Variants in CBX5 observed in about 807,000 individuals in gnomAD.
CBX5 encodes the protein chromobox 5, also known as chromobox protein homolog 5.
CBX5 carries 7 observed loss-of-function variants against 20.7 expected under a neutral mutation model. The ratio of observed to expected loss-of-function variants is 0.34; its 90% CI spans 0.19 to 0.63. CBX5 has a LOEUF of 0.63. CBX5 is among the 30% of genes least tolerant of loss of function. The pLI, the probability that CBX5 is intolerant of heterozygous loss-of-function variation, is 0.75. For missense variants in CBX5, 110 were observed against 224.1 expected (o/e 0.49, Z 3.25); for synonymous variants, 78 against 77.0 (o/e 1.01, Z -0.07).
chr12:54,244,551 A>T (rs902357115), intron 4 of CBX5, among the ~76,000 whole-genome samples: 1 of 151,848 alleles, frequency 6.6e-6, no homozygotes, highest in African/African-American at 2.4e-5. Context: ...CAGCCTGACC[A>T]ACATGGCAAA....
intron 3 of CBX5, among the ~76,000 whole-genome samples, chr12:54,248,579 G>T (rs1943761397): frequency 6.6e-6 from 1 of 152,180 alleles, no homozygotes; most frequent in South Asian, 2.1e-4. Context: ...TCTTTTGGGG[G>T]TGCTTAAGGG....
At chr12:54,270,506 C>T (rs774618724) in intron 1 of CBX5, among the ~76,000 whole-genome samples, 1 of 152,190 alleles carries the variant, frequency 6.6e-6, no homozygotes, top group Non-Finnish European at 1.5e-5. Flanking sequence ...CTCCTGAGCT[C>T]AAGTGATCCT....
chr12:54,279,152 A>C (rs927702134), intron 1 of CBX5: 2 of 152,202 alleles, frequency 1.3e-5, no homozygotes, highest in Non-Finnish European at 2.9e-5. Flanking sequence ...CTACAAACAT[A>C]TTTGTCAGTA....
chr12:54,278,515 CTAAT>C (rs1488537085), intron 1 of CBX5: 2 of 152,182 alleles, frequency 1.3e-5, no homozygotes, highest in African/African-American at 4.8e-5. Context: ...GGAAAGGTCT[CTAAT>C]TATAAGTGTA....
At chr12:54,257,400 G>A in intron 2 of CBX5, 114 bp downstream of exon 2, 1 of 1,007,236 alleles carries the variant, frequency 9.9e-7, no homozygotes, top group Non-Finnish European at 1.5e-6. Context: ...TAACTCTTAG[G>A]AAGAGTGCAG....
At chr12:54,265,680 G>A (rs1005075605) in intron 1 of CBX5, among the ~76,000 whole-genome samples, 10 of 152,198 alleles carry the variant, frequency 6.6e-5, no homozygotes, top group African/African-American at 2.4e-4. Flanking sequence ...TTTATTAAAA[G>A]AAGAGAGCAT....
chr12:54,242,764 A>T (rs964052785), intron 4 of CBX5, among the ~76,000 whole-genome samples: 2 of 152,110 alleles, frequency 1.3e-5, no homozygotes, highest in Non-Finnish European at 2.9e-5. Flanking sequence ...TACCAAGTAT[A>T]ACAAAAAAAA....
intron 3 of CBX5, among the ~76,000 whole-genome samples, chr12:54,248,146 C>T (rs1034561497): frequency 6.6e-6 from 1 of 151,990 alleles, no homozygotes; most frequent in Admixed American, 6.6e-5. Context: ...CCCGGCTACG[C>T]CTGGCTAATT....
At chr12:54,242,291 C>A (rs1283425680) in intron 4 of CBX5, among the ~76,000 whole-genome samples, 1 of 151,740 alleles carries the variant, frequency 6.6e-6, no homozygotes, top group African/African-American at 2.4e-5. Context: ...TTTGGGAGGC[C>A]GAGGCGGGTG....
intron 1 of CBX5, among the ~76,000 whole-genome samples, chr12:54,267,041 A>G (rs1330588891): frequency 1.3e-5 from 2 of 152,188 alleles, no homozygotes; most frequent in Non-Finnish European, 2.9e-5. Context: ...TTTTCCAACA[A>G]CTTTATCCTT....
At chr12:54,275,119 C>T (rs1592165668) in intron 1 of CBX5, among the ~76,000 whole-genome samples, 1 of 152,294 alleles carries the variant, frequency 6.6e-6, no homozygotes, top group South Asian at 2.1e-4. Context: ...CTTTCTTTCC[C>T]CAACTATCAT....
chr12:54,261,310 T>C (rs1004936942), intron 1 of CBX5, among the ~76,000 whole-genome samples: 2 of 151,964 alleles, frequency 1.3e-5, no homozygotes, highest in African/African-American at 2.4e-5. Flanking sequence ...TTTCTTTTTT[T>C]TTTTTGAGAC....
At chr12:54,267,538 G>A (rs1050837374) in intron 1 of CBX5, among the ~76,000 whole-genome samples, 14 of 150,916 alleles carry the variant, frequency 9.3e-5, no homozygotes, top group Non-Finnish European at 1.6e-4. Context: ...TTGAGACGGA[G>A]TCTAGCTCTG....
intron 1 of CBX5, among the ~76,000 whole-genome samples, chr12:54,274,908 C>T (rs562841797): frequency 6.6e-6 from 1 of 152,104 alleles, no homozygotes; most frequent in Non-Finnish European, 1.5e-5. Context: ...CCACTGCACT[C>T]TAGCCTGGGT....
At chr12:54,279,408 T>TCCATACACCTCAGTCCC (rs1272039384) in intron 1 of CBX5, among the ~76,000 whole-genome samples, 2 of 152,112 alleles carry the variant, frequency 1.3e-5, no homozygotes, top group Non-Finnish European at 2.9e-5. Context: ...CAAGGAGGTG[T>TCCATACACCTCAGTCCC]ATGGGACTGA....
At position 54,257,533 on chromosome 12, in the gene CBX5, T is replaced by G. The variant is rs753463737; in HGVS notation, c.118A>C (p.Lys40Gln). ...ACTTACTCAGAAAAGCCTTTCCACT[T>G]CAGTAGATATTCCACTTGTCCCTTA... ...VVKGQVEYLL[K>Q]WKGFSEEHNT... The change falls in exon 2 of 5, where the codon AAG becomes CAG. Residue 40 changes from lysine (K) to glutamine (Q), a missense_variant. Lys to Gln is a moderately conservative substitution (Grantham distance 53). Around this residue, in one of 3 missense-constraint regions of CBX5, gnomAD observed 58 missense variants for 120.6 expected, o/e 0.48. Coordinates refer to ENST00000209875, the MANE Select transcript of CBX5 (RefSeq NM_012117.3). 2 of 1,614,166 alleles carry G rather than the reference T, an allele frequency of 1.2e-6. No homozygotes were observed. Among genetic ancestry groups the G allele is most frequent in the Non-Finnish European group, 8.5e-7 (1 of 1,180,022 alleles).
intron 2 of CBX5, among the ~76,000 whole-genome samples, chr12:54,256,922 G>A (rs954116969): frequency 6.6e-6 from 1 of 152,064 alleles, no homozygotes; most frequent in Non-Finnish European, 1.5e-5. Context: ...GGAGTGCAGT[G>A]GCGCAATCTT....
chr12:54,241,591 T>A lies in CBX5; in HGVS notation c.*164A>T. 4 of 626,288 alleles carry A rather than the reference T, an allele frequency of 6.4e-6. 1 individual carries two copies. The South Asian group carries it at 6.5e-5, about 10-fold the overall frequency. The allele number at this position is 626,288 out of a possible 1,614,324, so 38.8% of individuals were successfully genotyped here. ...CACTTATCATTAATCAGACCATCAG[T>A]TATGTTACAAGAGAACCAATACCAA... On this transcript the variant is annotated 3_prime_UTR_variant, in exon 5 of 5. Coordinates refer to ENST00000209875, the MANE Select transcript of CBX5 (RefSeq NM_012117.3).
intron 1 of CBX5, among the ~76,000 whole-genome samples, chr12:54,267,494 G>C (rs894046511): frequency 3.7e-4 from 56 of 151,688 alleles, no homozygotes; most frequent in African/African-American, 1.3e-3. Flanking sequence ...AAGAGCCTGT[G>C]TTAAGTCAGG....
Sources: gnomAD v4.1 joint callset for allele counts (sites outside exome capture counted in the v4.1 genomes callset) on GRCh38, gnomAD v4.1.1 for gene constraint, gnomAD v4.1.1 regional missense constraint, MANE v1.5 for transcripts, NCBI Gene and HGNC (gene_info 2026-07-23, HGNC 2026-07-21) for gene names.